JAK2: variants seen among roughly 807,000 people sequenced by gnomAD.
JAK2 encodes Janus kinase 2.
JAK2 carries 86 observed loss-of-function variants against 139.3 expected under a neutral mutation model. The ratio of observed to expected loss-of-function variants is 0.62; its 90% confidence interval spans 0.52 to 0.74. JAK2 has a LOEUF of 0.74. JAK2 is among the 30% of genes least tolerant of loss of function. The probability of loss-of-function intolerance (pLI) is 0.00; values close to 1 mark genes in which losing one functional copy is unlikely to be tolerated. For missense variants in JAK2, 1,421 were observed against 1,360.3 expected (o/e 1.04, Z -0.70); for synonymous variants, 490 against 437.7 (o/e 1.12, Z -1.49).
At chr9:4,998,511 TC>T (rs1820730781) in intron 2 of JAK2, among the ~76,000 whole-genome samples, 1 of 152,162 alleles carries the variant, frequency 6.6e-6, no homozygotes, top group African/African-American at 2.4e-5. Flanking sequence ...CGCCTTGGCC[TC>T]CCAAAGTGCT....
intron 23 of JAK2, among the ~76,000 whole-genome samples, chr9:5,125,688 T>C (rs1219291733): frequency 6.6e-6 from 1 of 151,664 alleles, no homozygotes; most frequent in Non-Finnish European, 1.5e-5. Flanking sequence ...TTTTGCCAAG[T>C]TGATAGGGGA....
intron 4 of JAK2, among the ~76,000 whole-genome samples, chr9:5,039,187 C>G (rs964537382): frequency 5.3e-5 from 8 of 151,974 alleles, no homozygotes; most frequent in African/African-American, 1.9e-4. Flanking sequence ...AAATAAAAGG[C>G]ATTTATATTG....
chr9:5,001,161 C>T (rs932621490), intron 2 of JAK2, among the ~76,000 whole-genome samples: 6 of 152,032 alleles, frequency 3.9e-5, no homozygotes, highest in African/African-American at 7.2e-5. Context: ...AGTTTTATTT[C>T]TTTCATTTCA....
intron 5 of JAK2, among the ~76,000 whole-genome samples, chr9:5,048,242 A>G (rs766937019): frequency 7.2e-5 from 11 of 152,016 alleles, no homozygotes; most frequent in Non-Finnish European, 1.3e-4. Flanking sequence ...CCCAGGTTCA[A>G]GTGATTCTCC....
At chr9:5,076,065 G>A (rs990257917) in intron 14 of JAK2, among the ~76,000 whole-genome samples, 6 of 152,182 alleles carry the variant, frequency 3.9e-5, no homozygotes, top group African/African-American at 1.4e-4. Flanking sequence ...TTGAAGATGT[G>A]ACTCAATTGC....
At chr9:5,034,166 G>C (rs1400873694) in intron 4 of JAK2, among the ~76,000 whole-genome samples, 2 of 152,074 alleles carry the variant, frequency 1.3e-5, no homozygotes, top group African/African-American at 2.4e-5. Context: ...AATGGTAAAG[G>C]GATCAACTCA....
At chr9:5,037,803 A>G (rs944928912) in intron 4 of JAK2, among the ~76,000 whole-genome samples, 1 of 152,212 alleles carries the variant, frequency 6.6e-6, no homozygotes, top group South Asian at 2.1e-4. Context: ...ACATGTATAC[A>G]TATGTAACTA....
intron 8 of JAK2, among the ~76,000 whole-genome samples, chr9:5,063,280 A>G (rs1165922325): frequency 6.6e-6 from 1 of 152,202 alleles, no homozygotes; most frequent in Non-Finnish European, 1.5e-5. Context: ...ATTTTCTACA[A>G]GAACTCTGTA....
At chr9:5,061,040 T>C (rs1818135148) in intron 8 of JAK2, among the ~76,000 whole-genome samples, 1 of 152,200 alleles carries the variant, frequency 6.6e-6, no homozygotes, top group Non-Finnish European at 1.5e-5. Context: ...GAAAGCAATC[T>C]TTTTTTCTGA....
intron 3 of JAK2, 68 bp downstream of exon 3, chr9:5,022,281 A>G (rs1414425805): frequency 8.1e-6 from 8 of 987,588 alleles, no homozygotes; most frequent in Non-Finnish European, 1.3e-5. Flanking sequence ...TGCTAATACT[A>G]GGTACATGCA....
At chr9:5,039,625 A>T (rs1374969043) in intron 4 of JAK2, among the ~76,000 whole-genome samples, 2 of 152,162 alleles carry the variant, frequency 1.3e-5, no homozygotes. Context: ...GAACTAATAA[A>T]TGAGCTCAGG....
chr9:5,111,795 C>T (rs971456302), intron 22 of JAK2: 2 of 422,150 alleles, frequency 4.7e-6, no homozygotes, highest in Non-Finnish European at 4.7e-6. Context: ...TTCTCCTTGG[C>T]CCCCGGAGCC....
intron 22 of JAK2, among the ~76,000 whole-genome samples, chr9:5,104,604 C>CA (rs1489117288): frequency 6.6e-6 from 1 of 151,988 alleles, no homozygotes; most frequent in African/African-American, 2.4e-5. Flanking sequence ...AGAGACACCA[C>CA]AAAAAAATAA....
intron 3 of JAK2, among the ~76,000 whole-genome samples, chr9:5,023,474 T>C (rs547798473): frequency 1.4e-4 from 22 of 152,310 alleles, no homozygotes; most frequent in Admixed American, 1.2e-3. Context: ...CTCACTGGAA[T>C]AGGAAATGCT....
chr9:4,997,528 T>C (rs1820648805), intron 2 of JAK2, among the ~76,000 whole-genome samples: 1 of 152,138 alleles, frequency 6.6e-6, no homozygotes, highest in Non-Finnish European at 1.5e-5. Flanking sequence ...GGGATGTTGC[T>C]AAACCATTCA....
At chr9:5,081,217 A>G (rs1027823050) in intron 18 of JAK2, among the ~76,000 whole-genome samples, 7 of 151,346 alleles carry the variant, frequency 4.6e-5, no homozygotes, top group African/African-American at 1.7e-4. Flanking sequence ...TCTTTCAGTA[A>G]CCTAATTTTA....
chr9:4,994,818 ACTCT>A (rs1197650131), intron 2 of JAK2, among the ~76,000 whole-genome samples: 1 of 152,044 alleles, frequency 6.6e-6, no homozygotes, highest in Non-Finnish European at 1.5e-5. Context: ...TTGGAACAAA[ACTCT>A]CTGAGAGTTG....
chr9:5,065,253 G>A (rs1016152146), intron 9 of JAK2, among the ~76,000 whole-genome samples: 12 of 152,012 alleles, frequency 7.9e-5, no homozygotes, highest in Admixed American at 2.0e-4. Flanking sequence ...TTTATAAGTT[G>A]TACAAGTTTA....
At chr9:5,055,142 G>A (rs1460848403) in intron 7 of JAK2, among the ~76,000 whole-genome samples, 5 of 151,902 alleles carry the variant, frequency 3.3e-5, no homozygotes, top group Non-Finnish European at 2.9e-5. Flanking sequence ...AATTCTAAAA[G>A]TGATTTTAAA....
Sources: allele counts gnomAD v4.1 joint callset (sites outside exome capture counted in the v4.1 genomes callset), GRCh38; gene constraint gnomAD v4.1.1; transcripts MANE v1.5; gene names NCBI Gene and HGNC (gene_info 2026-07-23, HGNC 2026-07-21).